COPB2: variants seen among roughly 807,000 people sequenced by gnomAD.
The protein encoded by COPB2 is coat protein complex I subunit beta 2, also known as coatomer subunit beta'.
A neutral mutation model predicts 120.8 loss-of-function variants in COPB2; 16 were observed. That is an observed-to-expected ratio of 0.13 (90% CI 0.09 to 0.20). COPB2 has a LOEUF of 0.20. Among genes scored for constraint, COPB2 ranks in the 10% least tolerant of loss-of-function variants. COPB2 has a pLI of 1.00. For missense variants in COPB2, 794 were observed against 1,076.5 expected (o/e 0.74, Z 3.67); for synonymous variants, 332 against 366.3 (o/e 0.91, Z 1.07).
chr3:139,374,958 T>C (rs1253384124), intron 6 of COPB2, among the ~76,000 whole-genome samples: 1 of 152,208 alleles, frequency 6.6e-6, no homozygotes, highest in Admixed American at 6.5e-5. Flanking sequence ...TATTCTGGAT[T>C]TAAGTACAAA....
At chr3:139,360,607 C>T (rs1226226488) in intron 17 of COPB2, among the ~76,000 whole-genome samples, 1 of 150,924 alleles carries the variant, frequency 6.6e-6, no homozygotes, top group Non-Finnish European at 1.5e-5. Flanking sequence ...TTTATGCTAA[C>T]TCGGTTAGAC....
At chr3:139,378,459 T>A (rs1941755072) in intron 4 of COPB2, among the ~76,000 whole-genome samples, 1 of 152,174 alleles carries the variant, frequency 6.6e-6, no homozygotes, top group Admixed American at 6.5e-5. Flanking sequence ...TCAGTGGGCA[T>A]TAAAGAATGG....
chr3:139,362,565 A>T, intron 15 of COPB2, 48 bp from the exon 16 acceptor site: 3 of 1,213,566 alleles, frequency 2.5e-6, no homozygotes, highest in Non-Finnish European at 3.4e-6. Context: ...ACAAAAATGT[A>T]TGTATGTTTT....
chr3:139,364,448 G>C (rs75051522), intron 15 of COPB2, among the ~76,000 whole-genome samples: 5 of 152,240 alleles, frequency 3.3e-5, no homozygotes, highest in African/African-American at 1.2e-4. Context: ...GAAGACAGGA[G>C]ATTATGAAAA....
intron 10 of COPB2, among the ~76,000 whole-genome samples, chr3:139,371,040 T>TA (rs1576373750): frequency 6.6e-6 from 1 of 152,046 alleles, no homozygotes; most frequent in Non-Finnish European, 1.5e-5. Flanking sequence ...CAAACAAAAC[T>TA]AAAAAAACTG....
At chr3:139,365,891 A>G (rs1289236627) in intron 15 of COPB2, among the ~76,000 whole-genome samples, 3 of 152,220 alleles carry the variant, frequency 2.0e-5, no homozygotes, top group African/African-American at 7.2e-5. Context: ...GTAGTGATCA[A>G]TCAAAATTAG....
At chr3:139,387,761 A>T (rs955333732) in intron 1 of COPB2, among the ~76,000 whole-genome samples, 1 of 152,238 alleles carries the variant, frequency 6.6e-6, no homozygotes, top group Non-Finnish European at 1.5e-5. Flanking sequence ...TCAGATGTGC[A>T]ATAGTGGGCA....
intron 2 of COPB2, chr3:139,380,034 T>C (rs1421837623): frequency 7.1e-6 from 1 of 141,524 alleles, no homozygotes; most frequent in Non-Finnish European, 1.5e-5. Flanking sequence ...TTTGAGACAG[T>C]CTTACTCTGT....
At chr3:139,382,957 A>G (rs1941840939) in intron 2 of COPB2, 2 of 234,260 alleles carry the variant, frequency 8.5e-6, no homozygotes, top group Admixed American at 5.5e-5. Flanking sequence ...TAACGATATC[A>G]TTCTTAAGAT....
In COPB2 at chr3:139,383,447, C is replaced by T. The variant is rs1355348513; in HGVS notation, c.4-12G>A. ...TCAAGTCGCAGAGGCTAAAAAGAAA[C>T]ATTAAAAAAATTAAATTGCTAAGCC... On this transcript the variant is annotated splice_polypyrimidine_tract_variant and intron_variant, in intron 1 of 21. Transcript: ENST00000333188. 7 of 1,527,182 alleles carry T rather than the reference C, an allele frequency of 4.6e-6. No homozygotes were observed. Among genetic ancestry groups the T allele is most frequent in the Non-Finnish European group, 6.1e-6 (7 of 1,140,058 alleles). 94.6% of individuals were successfully genotyped at this position (1,527,182 alleles called of 1,614,324 possible). A position where few individuals can be genotyped will look rare whatever the true frequency, so the allele number is the denominator to read the frequency against.
chr3:139,375,651 G>C lies in COPB2; in HGVS notation c.505-37C>G, dbSNP rs1340433123. The C allele has an allele frequency of 1.9e-6, 3 of 1,597,920 alleles. No individual in the cohort carries two copies. In the African/African-American group the frequency reaches 4.0e-5, roughly 21 times the overall value. On this transcript the variant is annotated intron_variant, in intron 5 of 21. Transcript: ENST00000333188. The stretch of plus-strand genomic sequence containing the variant: ...AACAGCATCGGCCAGTCAATATGGG[G>C]CCTTGCTTTACAAAAGGCAAATCCA...
At chr3:139,358,173 G>C (rs774421310) in intron 21 of COPB2, 27 bp downstream of exon 21, 73 of 1,594,738 alleles carry the variant, frequency 4.6e-5, no homozygotes, top group Non-Finnish European at 6.1e-5. Context: ...GGGGTAGAGG[G>C]AGGTTTGAGT....
chr3:139,384,822 T>A (rs1167758752), intron 1 of COPB2, among the ~76,000 whole-genome samples: 1 of 152,228 alleles, frequency 6.6e-6, no homozygotes, highest in Non-Finnish European at 1.5e-5. Flanking sequence ...AGTTTTACCT[T>A]CCACTACTTT....
chr3:139,370,158 T>C (rs1334226833), intron 10 of COPB2, among the ~76,000 whole-genome samples: 1 of 152,206 alleles, frequency 6.6e-6, no homozygotes, highest in Non-Finnish European at 1.5e-5. Flanking sequence ...ACGGATTACA[T>C]ACATTTGCCC....
At chr3:139,367,957 A>C (rs1941549461) in intron 13 of COPB2, among the ~76,000 whole-genome samples, 188 bp downstream of exon 13, 1 of 152,248 alleles carries the variant, frequency 6.6e-6, no homozygotes, top group Non-Finnish European at 1.5e-5. Flanking sequence ...AATTTCTTTT[A>C]AACATATTTA....
rs770585103 is a variant in COPB2, at chr3:139,374,597, A to G, written c.652-9T>C. On this transcript the variant is annotated splice_polypyrimidine_tract_variant and intron_variant, in intron 6 of 21. Coordinates refer to ENST00000333188, the MANE Select transcript of COPB2 (RefSeq NM_004766.3). Reference sequence around the variant, plus strand: ...TGCACACATGTTTTATTCTGTAATTAAGACATAGAAAACATGTTTTATTAA... The same window carrying G: ...TGCACACATGTTTTATTCTGTAATTGAGACATAGAAAACATGTTTTATTAA... 4 of 1,607,218 alleles carry G rather than the reference A, an allele frequency of 2.5e-6. No individual in the cohort carries two copies. Among genetic ancestry groups the G allele is most frequent in the Non-Finnish European group, 3.4e-6 (4 of 1,174,520 alleles).
rs2107810370 is a variant in COPB2 at position 139,383,421 on chromosome 3, A to C, written c.18T>G (p.Asp6Glu). 6.4e-7 allele frequency: 1 copy of C among 1,566,312 alleles called. No individual in the cohort carries two copies. The highest frequency in any genetic ancestry group is 1.2e-5 in the South Asian group (1 of 82,298). The change falls in exon 2 of 22, where the codon GAT becomes GAG. Residue 6 changes from aspartate (D) to glutamate (E), a missense_variant. Asp to Glu is a conservative substitution (Grantham distance 45, BLOSUM62 2). Around this residue, in one of 3 missense-constraint regions of COPB2, gnomAD observed 610 missense variants for 866.7 expected, o/e 0.70. Coordinates refer to ENST00000333188, the MANE Select transcript of COPB2 (RefSeq NM_004766.3). ...ATCTAGCAGTTAGCTTTCTTTTGAT[A>C]TCAAGTCGCAGAGGCTAAAAAGAAA... MPLRLDIKRKLTARSD... is the reference protein window; with the variant it reads MPLRLEIKRKLTARSD...
chr3:139,361,923 T>C (rs1941426468), intron 16 of COPB2, among the ~76,000 whole-genome samples: 1 of 152,238 alleles, frequency 6.6e-6, no homozygotes, highest in Non-Finnish European at 1.5e-5. Flanking sequence ...AGACCAGATG[T>C]GCTAAGAGCA....
At chr3:139,371,701 C>T (rs749295072) in intron 10 of COPB2, 22 bp downstream of exon 10, 2 of 1,594,522 alleles carry the variant, frequency 1.3e-6, no homozygotes, top group South Asian at 2.2e-5. Flanking sequence ...GGCATGCTGG[C>T]TATCATACAA....
Sources: allele counts gnomAD v4.1 joint callset (sites outside exome capture counted in the v4.1 genomes callset), GRCh38; gene constraint gnomAD v4.1.1; regional missense constraint gnomAD v4.1.1; transcripts MANE v1.5; gene names NCBI Gene and HGNC (gene_info 2026-07-23, HGNC 2026-07-21).